DNAAF4: variants seen among roughly 807,000 people sequenced by gnomAD.
DNAAF4 encodes the protein dynein assembly factor 4, axonemal.
In DNAAF4, 43 loss-of-function variants were observed where a neutral mutation model predicts 51.8. The observed-to-expected ratio is 0.83, with a 90% CI of 0.65 to 1.07. DNAAF4 has a LOEUF of 1.07. Among genes scored for constraint, DNAAF4 ranks in the 50% least tolerant of loss-of-function variants. The pLI, the probability that DNAAF4 is intolerant of heterozygous loss-of-function variation, is 0.00. For synonymous variants in DNAAF4, 194 were observed against 165.6 expected (o/e 1.17, Z -1.32); for missense variants, 581 against 493.0 (o/e 1.18, Z -1.69).
At chr15:55,500,381 TG>T (rs2058689959) in intron 1 of DNAAF4, among the ~76,000 whole-genome samples, 1 of 152,178 alleles carries the variant, frequency 6.6e-6, no homozygotes, top group Non-Finnish European at 1.5e-5. Flanking sequence ...AAATTTCTTT[TG>T]TCATTTTCCC....
intron 9 of DNAAF4, among the ~76,000 whole-genome samples, chr15:55,431,986 G>A (rs1052334658): frequency 1.3e-5 from 2 of 149,782 alleles, no homozygotes; most frequent in African/African-American, 2.5e-5. Context: ...AAGGAGTTTC[G>A]CTGTTGTTGC....
chr15:55,467,041 G>T lies in DNAAF4; in HGVS notation c.526C>A (p.Gln176Lys). Residue 176 changes from glutamine to lysine, a missense_variant, in exon 5 of 10, where the codon CAG becomes AAG. Transcript: ENST00000321149. ...QRKAEEQKKI[Q>K]REEKLCQKEK... ...TTTTGACATAATTTCTCTTCTCTCT[G>T]AATTTTTTTTTGCTCCTCAGCTTTT... 2.6e-6 allele frequency: 4 copies of T among 1,558,322 alleles called. No homozygotes were observed. Among genetic ancestry groups the T allele is most frequent in the African/African-American group, 1.4e-5 (1 of 71,978 alleles).
chr15:55,425,875 T>C (rs191217833), downstream of DNAAF4, among the ~76,000 whole-genome samples: 1,281 of 152,288 alleles, frequency 8.4e-3, 18 homozygotes, highest in African/African-American at 0.029. Flanking sequence ...AACTGCCCAA[T>C]GGGTTGACCT....
At chr15:55,438,757 C>G (rs1388274013) in intron 7 of DNAAF4, among the ~76,000 whole-genome samples, 1 of 151,128 alleles carries the variant, frequency 6.6e-6, no homozygotes, top group Admixed American at 6.6e-5. Context: ...TACACTCCAG[C>G]CTGGGTGATA....
intron 3 of DNAAF4, among the ~76,000 whole-genome samples, chr15:55,497,442 C>CA (rs1170167981): frequency 4.6e-5 from 7 of 151,708 alleles, no homozygotes; most frequent in South Asian, 4.2e-4. Context: ...ACCAAAAATA[C>CA]AAAAAAATTT....
chr15:55,498,111 C>CCTA (rs2058664579), intron 2 of DNAAF4, 96 bp downstream of exon 2: 4 of 1,582,708 alleles, frequency 2.5e-6, no homozygotes. Flanking sequence ...GGACGTTTAT[C>CCTA]GGCAAAGATG....
intron 6 of DNAAF4, among the ~76,000 whole-genome samples, chr15:55,447,085 GCTC>G (rs2057841680): frequency 6.9e-6 from 1 of 144,390 alleles, no homozygotes; most frequent in African/African-American, 2.6e-5. Flanking sequence ...GGGCAGAGGT[GCTC>G]CTCACTTCCC....
intron 6 of DNAAF4, among the ~76,000 whole-genome samples, chr15:55,444,759 C>T (rs1274972915): frequency 3.3e-5 from 5 of 152,198 alleles, no homozygotes; most frequent in Non-Finnish European, 2.9e-5. Flanking sequence ...AGAGGTCCTT[C>T]ACATACCTTG....
intron 4 of DNAAF4, among the ~76,000 whole-genome samples, chr15:55,471,735 G>C (rs995169774): frequency 3.9e-5 from 6 of 151,996 alleles, no homozygotes; most frequent in African/African-American, 7.2e-5. Context: ...GGATGGTCTC[G>C]ATCTCCTGAC....
At chr15:55,442,212 G>A (rs558952775) in intron 6 of DNAAF4, among the ~76,000 whole-genome samples, 39 of 152,180 alleles carry the variant, frequency 2.6e-4, no homozygotes, top group Admixed American at 2.0e-3. Flanking sequence ...TCCGCTTCCC[G>A]GGTTCAAGCA....
intron 1 of DNAAF4, among the ~76,000 whole-genome samples, chr15:55,498,907 G>C (rs2058675692): frequency 2.5e-5 from 3 of 120,594 alleles, no homozygotes; most frequent in Admixed American, 1.8e-4. Context: ...GCGAAACTCC[G>C]TCTCAAAAAA....
intron 4 of DNAAF4, 73 bp downstream of exon 4, chr15:55,491,050 A>AGCTGGAACTCACTATCCTCACATAGTCT: frequency 1.3e-6 from 2 of 1,557,044 alleles, no homozygotes; most frequent in East Asian, 4.5e-5. Flanking sequence ...GAAGTCCAGC[A>AGCTGGAACTCACTATCCTCACATAGTCT]GCTGGAACTC....
chr15:55,443,545 T>TC (rs2057749459), intron 6 of DNAAF4, among the ~76,000 whole-genome samples: 1 of 152,178 alleles, frequency 6.6e-6, no homozygotes. Flanking sequence ...TGATTGATAA[T>TC]CTTTGGGTAT....
chr15:55,435,134 T>C, intron 7 of DNAAF4, 76 bp from the exon 8 acceptor site: 7 of 1,472,056 alleles, frequency 4.8e-6, no homozygotes, highest in Non-Finnish European at 6.4e-6. Flanking sequence ...TAATTGTATT[T>C]GACAAAGAGG....
chr15:55,451,738 C>T (rs1411967950), intron 5 of DNAAF4, among the ~76,000 whole-genome samples: 1 of 151,844 alleles, frequency 6.6e-6, no homozygotes, highest in East Asian at 1.9e-4. Context: ...CTCAGCCTTT[C>T]AAGAGCAGGC....
intron 2 of DNAAF4, 78 bp downstream of exon 2, chr15:55,498,129 T>A: frequency 6.2e-7 from 1 of 1,602,698 alleles, no homozygotes; most frequent in Non-Finnish European, 8.5e-7. Flanking sequence ...ATGAGCCTGT[T>A]GCTCGTGCCC....
chr15:55,500,053 T>TA (rs1004028131), intron 1 of DNAAF4, among the ~76,000 whole-genome samples: 103 of 149,130 alleles, frequency 6.9e-4, no homozygotes, highest in East Asian at 2.9e-3. Flanking sequence ...TTTTTAACTT[T>TA]AAAAAAAAAA....
chr15:55,473,359 A>G (rs1045310314), intron 4 of DNAAF4, among the ~76,000 whole-genome samples: 1 of 133,562 alleles, frequency 7.5e-6, no homozygotes, highest in East Asian at 2.1e-4. Flanking sequence ...GTGTATATAT[A>G]TGTGTGTGTG....
At chr15:55,423,847 G>T (rs1227363324) in intron 7 of DNAAF4, among the ~76,000 whole-genome samples, 1 of 152,136 alleles carries the variant, frequency 6.6e-6, no homozygotes, top group Non-Finnish European at 1.5e-5. Context: ...CCAGCATTTT[G>T]GGAGGCCAAG....
Sources: gnomAD v4.1 joint callset for allele counts (sites outside exome capture counted in the v4.1 genomes callset) on GRCh38, gnomAD v4.1.1 for gene constraint, MANE v1.5 for transcripts, NCBI Gene and HGNC (gene_info 2026-07-23, HGNC 2026-07-21) for gene names.